BFSP1: variants seen among roughly 807,000 people sequenced by gnomAD.
BFSP1 encodes the protein filensin.
BFSP1 carries 38 observed loss-of-function variants against 43.9 expected under a neutral mutation model. That is an observed-to-expected ratio of 0.87 (90% CI 0.67 to 1.14). BFSP1 has a LOEUF of 1.14. Ranked by LOEUF, BFSP1 falls within the 50% of genes most tolerant of loss-of-function variation. The pLI is 0.00. For missense variants in BFSP1, 850 were observed against 875.1 expected, an observed-to-expected ratio of 0.97 and a Z score of 0.36; for synonymous variants, 352 against 354.8, an observed-to-expected ratio of 0.99 and a Z score of 0.09.
intron 1 of BFSP1, among the ~76,000 whole-genome samples, chr20:17,527,386 ATTGTGAGTAATT>A (rs2034442192): frequency 6.6e-6 from 1 of 152,204 alleles, no homozygotes; most frequent in Admixed American, 6.5e-5. Flanking sequence ...TTAACCTGAT[ATTGTGAGTAATT>A]TTCATGCTGT....
chr20:17,530,789 C>A (rs2034516243), intron 1 of BFSP1, among the ~76,000 whole-genome samples, 164 bp downstream of exon 1: 1 of 152,250 alleles, frequency 6.6e-6, no homozygotes, highest in African/African-American at 2.4e-5. Context: ...AGAAGCCAGT[C>A]TTAGCTTAAG....
At chr20:17,567,021 A>G (rs2035127377) in intron 1 of BFSP1, among the ~76,000 whole-genome samples, 1 of 152,204 alleles carries the variant, frequency 6.6e-6, no homozygotes, top group African/African-American at 2.4e-5. Flanking sequence ...ATCGCTGTCC[A>G]AAGGCCCCAA....
chr20:17,532,508 G>T (rs1055673872), upstream of BFSP1, among the ~76,000 whole-genome samples: 2 of 151,794 alleles, frequency 1.3e-5, no homozygotes, highest in East Asian at 3.8e-4. Flanking sequence ...ATGAGATGGG[G>T]TCTTGCTATG....
At position 17,509,016 on chromosome 20, in the gene BFSP1, G is replaced by C; in HGVS notation, c.628-20C>G. On this transcript the variant is annotated intron_variant, in intron 4 of 7. Coordinates refer to ENST00000377873, the MANE Select transcript of BFSP1 (RefSeq NM_001195.5). ...CTTCTCCTGCACAGAGAAGGCCAGAGTCAGACTCATGGGACATGCAGAGAG... is the reference window on the plus strand; with the variant it reads ...CTTCTCCTGCACAGAGAAGGCCAGACTCAGACTCATGGGACATGCAGAGAG... The C allele has an allele frequency of 6.5e-7, 1 of 1,528,784 alleles. No homozygotes were observed. The highest frequency in any genetic ancestry group is 8.8e-7 in the Non-Finnish European group (1 of 1,137,284). The allele number at this position is 1,528,784 out of a possible 1,614,324, so 94.7% of individuals were successfully genotyped here. A position where few individuals can be genotyped will look rare whatever the true frequency, so the allele number is the denominator to read the frequency against.
upstream of BFSP1, among the ~76,000 whole-genome samples, chr20:17,532,559 G>C (rs2034565483): frequency 6.6e-6 from 1 of 151,838 alleles, no homozygotes; most frequent in Non-Finnish European, 1.5e-5. Flanking sequence ...CAAGTGATCC[G>C]CCATTAATTG....
In BFSP1 at chr20:17,493,992, C is replaced by T. The variant is rs1186364351; in HGVS notation, c.*82G>A. The T allele has an allele frequency of 4.6e-6, 6 of 1,314,208 alleles. No homozygotes were observed. Among genetic ancestry groups the T allele is most frequent in the Non-Finnish European group, 5.3e-6 (5 of 949,514 alleles). 81.4% of individuals were successfully genotyped at this position (1,314,208 alleles called of 1,614,324 possible). A position where few individuals can be genotyped will look rare whatever the true frequency, so the allele number is the denominator to read the frequency against. ...TCTAATCCAAACAGGAACCCTCACC[C>T]TTTTATCATTTGCTCTAAAATATCA... On this transcript the variant is annotated 3_prime_UTR_variant, in exon 8 of 8. Transcript: ENST00000377873.
intron 1 of BFSP1, among the ~76,000 whole-genome samples, chr20:17,540,048 C>T (rs1235828224): frequency 6.6e-6 from 1 of 152,146 alleles, no homozygotes; most frequent in Admixed American, 6.5e-5. Context: ...CCCTCAACGG[C>T]CCCTCAGACC....
chr20:17,564,158 C>T (rs1555806954), intron 1 of BFSP1, among the ~76,000 whole-genome samples: 1 of 152,014 alleles, frequency 6.6e-6, no homozygotes, highest in African/African-American at 2.4e-5. Context: ...CATGGCAAGA[C>T]TCTGTCTTTA....
Position 17,558,119 on chromosome 20 carries a change from T to TG in BFSP1, c.2+568dup, listed in dbSNP as rs34263570. ...GGCTAGCATCTTATACACACAAAGA[T>TG]GGGGGGGGGTTTTACTCAGCAAGAA... On this transcript the variant is annotated intron_variant, in intron 1 of 7. Transcript: ENST00000377868. Among the ~76,000 whole-genome samples the TG allele has an allele frequency of 6.9e-3, 1,029 of 148,652 alleles. 2 individuals carry two copies. The highest frequency in any genetic ancestry group is 0.01 in the South Asian group (48 of 4,578).
intron 1 of BFSP1, chr20:17,541,109 G>A (rs897003247): frequency 3.9e-6 from 1 of 257,782 alleles, no homozygotes; most frequent in Non-Finnish European, 6.1e-6. Context: ...AGGATCACTG[G>A]AGACCGGGAG....
chr20:17,503,955 G>A (rs763813012), intron 5 of BFSP1, among the ~76,000 whole-genome samples: 44 of 152,340 alleles, frequency 2.9e-4, no homozygotes, highest in Non-Finnish European at 3.8e-4. Flanking sequence ...AAAGTCACCT[G>A]TGATCTTTCT....
intron 1 of BFSP1, among the ~76,000 whole-genome samples, chr20:17,558,533 T>C (rs1287495739): frequency 1.3e-5 from 2 of 152,242 alleles, no homozygotes; most frequent in Non-Finnish European, 2.9e-5. Flanking sequence ...ACTGAGCCAA[T>C]ATTTATCATT....
rs748613597 is a variant in BFSP1 at position 17,512,072 on chromosome 20, T to C, written c.535-4A>G. 1.9e-6 allele frequency: 3 copies of C among 1,593,274 alleles called. No individual in the cohort carries two copies. Among genetic ancestry groups the C allele is most frequent in the East Asian group, 2.2e-5 (1 of 44,784 alleles). ...AGGTCTGAACTTCCAGAAGATTCTG[T>C]TGGGGGAGGGAAAACATTCTCATTA... On this transcript the variant is annotated splice_region_variant and splice_polypyrimidine_tract_variant and intron_variant, in intron 3 of 7. Coordinates refer to ENST00000377873, the MANE Select transcript of BFSP1 (RefSeq NM_001195.5).
chr20:17,516,272 A>T (rs2034197698), intron 2 of BFSP1, among the ~76,000 whole-genome samples: 1 of 152,220 alleles, frequency 6.6e-6, no homozygotes, highest in Admixed American at 6.5e-5. Context: ...GGTTGCAGTG[A>T]GCCAAGATCA....
chr20:17,566,418 C>T lies in BFSP1; in HGVS notation n.50+2753G>A, dbSNP rs142498174. On this transcript the variant is annotated intron_variant and non_coding_transcript_variant, in intron 1 of 6. Transcript: ENST00000473415. ...TTTTCTAAACGAAATTGAAATATAC[C>T]AATCTCATATTTAAGGAGAGACCTT... Among the ~76,000 whole-genome samples, 477 of 152,134 alleles carry T rather than the reference C, an allele frequency of 3.1e-3. 4 individuals carry two copies. The highest frequency in any genetic ancestry group is 0.011 in the African/African-American group (454 of 41,496).
intron 5 of BFSP1, among the ~76,000 whole-genome samples, chr20:17,503,312 G>A (rs2033848102): frequency 6.6e-6 from 1 of 152,230 alleles, no homozygotes; most frequent in African/African-American, 2.4e-5. Flanking sequence ...TTACAGGCGT[G>A]AGCCATAGCA....
chr20:17,505,802 T>C (rs2033922153), intron 5 of BFSP1, among the ~76,000 whole-genome samples: 2 of 152,118 alleles, frequency 1.3e-5, no homozygotes, highest in South Asian at 4.2e-4. Flanking sequence ...ACATGCAGCA[T>C]CCCGGGCCAC....
chr20:17,514,683 G>T (rs6080731), intron 3 of BFSP1, 38 bp downstream of exon 3: 7 of 1,596,838 alleles, frequency 4.4e-6, no homozygotes, highest in Non-Finnish European at 5.1e-6. Context: ...ACCCAAACTG[G>T]GTTTTCTAGA....
At chr20:17,500,850 C>G (rs1272251734) in intron 5 of BFSP1, among the ~76,000 whole-genome samples, 4 of 152,202 alleles carry the variant, frequency 2.6e-5, no homozygotes, top group Non-Finnish European at 5.9e-5. Flanking sequence ...CTTTTCCAAT[C>G]TCATTCTTGA....
Sources: allele counts gnomAD v4.1 joint callset (sites outside exome capture counted in the v4.1 genomes callset), GRCh38; gene constraint gnomAD v4.1.1; transcripts MANE v1.5; gene names NCBI Gene and HGNC (gene_info 2026-07-23, HGNC 2026-07-21).